Variants in USH2A observed in about 807,000 individuals in gnomAD.
USH2A encodes the protein Usher syndrome 2A (autosomal recessive, mild).
USH2A carries 443 observed loss-of-function variants against 538.9 expected under a neutral mutation model. The ratio of observed to expected loss-of-function variants is 0.82; its 90% CI spans 0.76 to 0.89. USH2A has a LOEUF of 0.89. Among genes scored for constraint, USH2A ranks in the 40% least tolerant of loss-of-function variants. USH2A has a pLI of 0.00. For missense variants in USH2A, 6,633 were observed against 6,324.8 expected, an observed-to-expected ratio of 1.05 and a Z score of -1.65; for synonymous variants, 2,413 against 2,273.5, an observed-to-expected ratio of 1.06 and a Z score of -1.75.
intron 21 of USH2A, among the ~76,000 whole-genome samples, chr1:216,122,571 G>A (rs187928295): frequency 6.6e-6 from 1 of 152,330 alleles, no homozygotes; most frequent in East Asian, 1.9e-4. Context: ...AGAACATAAA[G>A]AGAGTCAATC....
At chr1:216,345,679 T>C (rs1341816534) in intron 4 of USH2A, among the ~76,000 whole-genome samples, 1 of 152,166 alleles carries the variant, frequency 6.6e-6, no homozygotes, top group Admixed American at 6.6e-5. Context: ...TGTCTTCCTG[T>C]ATATTTCTGT....
At chr1:216,115,462 T>C (rs962371294) in intron 21 of USH2A, among the ~76,000 whole-genome samples, 3 of 152,184 alleles carry the variant, frequency 2.0e-5, no homozygotes, top group Non-Finnish European at 2.9e-5. Context: ...ATTTATGCAA[T>C]TGTCAATACA....
chr1:216,242,356 A>T (rs986313901), intron 13 of USH2A, among the ~76,000 whole-genome samples: 2 of 147,712 alleles, frequency 1.4e-5, no homozygotes, highest in Non-Finnish European at 3.0e-5. Context: ...ACTCCATCTC[A>T]AAAGAAAAAA....
chr1:216,358,588 G>T (rs1326906796), intron 4 of USH2A, among the ~76,000 whole-genome samples: 2 of 151,966 alleles, frequency 1.3e-5, no homozygotes, highest in African/African-American at 4.8e-5. Context: ...TGGCTCATTA[G>T]GCAGAAGTAA....
Position 215,782,721 on chromosome 1 carries a change from T to C in USH2A, c.10585+17A>G. On this transcript the variant is annotated intron_variant, in intron 53 of 71. Coordinates refer to ENST00000307340, the MANE Select transcript of USH2A (RefSeq NM_206933.4). ...TTATGGGATTTTGTTATTTGTATTTTAAAGGTATCTCAATACCATTTGATT... is the reference window on the plus strand; with the variant it reads ...TTATGGGATTTTGTTATTTGTATTTCAAAGGTATCTCAATACCATTTGATT... 6.2e-7 allele frequency: 1 copy of C among 1,609,766 alleles called. No individual in the cohort carries two copies. The highest frequency in any genetic ancestry group is 8.5e-7 in the Non-Finnish European group (1 of 1,177,036).
chr1:215,985,407 T>C (rs180712597), intron 35 of USH2A, among the ~76,000 whole-genome samples: 10 of 152,274 alleles, frequency 6.6e-5, no homozygotes, highest in Admixed American at 2.0e-4. Flanking sequence ...GATAATATAG[T>C]GAATAAAACC....
At chr1:216,324,990 T>C (rs1036359138) in intron 6 of USH2A, among the ~76,000 whole-genome samples, 4 of 152,062 alleles carry the variant, frequency 2.6e-5, no homozygotes, top group African/African-American at 9.7e-5. Flanking sequence ...GTGGGCCTTA[T>C]ATAAGAGAAA....
At chr1:216,092,108 G>C (rs868367339) in intron 22 of USH2A, among the ~76,000 whole-genome samples, 9 of 152,164 alleles carry the variant, frequency 5.9e-5, no homozygotes, top group Admixed American at 6.5e-5. Flanking sequence ...TTGTAAGCCA[G>C]AAAAATGGAT....
chr1:215,820,649 A>C (rs1242136776), intron 47 of USH2A, among the ~76,000 whole-genome samples: 1 of 151,678 alleles, frequency 6.6e-6, no homozygotes, highest in Non-Finnish European at 1.5e-5. Context: ...TAAACTATAA[A>C]TCACCTTACT....
intron 6 of USH2A, 133 bp downstream of exon 6, chr1:216,325,172 A>G (rs1269317477): frequency 1.9e-6 from 2 of 1,057,020 alleles, no homozygotes; most frequent in Non-Finnish European, 2.8e-6. Flanking sequence ...AGCCCTGCCA[A>G]CATGTTGATT....
At chr1:215,839,141 T>C (rs1313643731) in intron 46 of USH2A, among the ~76,000 whole-genome samples, 1 of 152,176 alleles carries the variant, frequency 6.6e-6, no homozygotes, top group East Asian at 1.9e-4. Flanking sequence ...GAGGTATTAA[T>C]AGTGGATATT....
At chr1:216,222,046 A>G (rs2035465932) in intron 14 of USH2A, among the ~76,000 whole-genome samples, 3 of 152,198 alleles carry the variant, frequency 2.0e-5, no homozygotes, top group Admixed American at 1.3e-4. Flanking sequence ...GCCATTCACC[A>G]GTTTTTCTGA....
Position 216,308,270 on chromosome 1 carries a change from G to A in USH2A, c.1644+13613C>T, listed in dbSNP as rs572958415. On this transcript the variant is annotated intron_variant, in intron 9 of 71. Coordinates refer to ENST00000307340, the MANE Select transcript of USH2A (RefSeq NM_206933.4). ...TATCCACTACTGTAAAGTGTTCCAC[G>A]TAGACATTTGCAAATTGTTTTCCAT... Among the ~76,000 whole-genome samples the A allele has an allele frequency of 2.2e-4, 34 of 152,278 alleles. No homozygotes were observed. The South Asian group carries it at 6.6e-3, about 30-fold the overall frequency.
intron 60 of USH2A, among the ~76,000 whole-genome samples, chr1:215,729,373 C>T (rs1360312972): frequency 6.6e-6 from 1 of 152,188 alleles, no homozygotes; most frequent in Non-Finnish European, 1.5e-5. Flanking sequence ...ATAATTTAAA[C>T]CATAACCTCT....
At chr1:215,640,820 A>G (rs1255707210) in intron 67 of USH2A, 86 bp from the exon 68 acceptor site, 12 of 1,319,790 alleles carry the variant, frequency 9.1e-6, no homozygotes, top group Admixed American at 1.9e-5. Flanking sequence ...AAATATGAGC[A>G]AAATCAAACC....
At position 216,170,057 on chromosome 1, in the gene USH2A, C is replaced by T. The variant is rs148050669; in HGVS notation, c.4627+5195G>A. Among the ~76,000 whole-genome samples the T allele has an allele frequency of 2.2e-3, 338 of 152,034 alleles. 1 individual carries two copies. Among genetic ancestry groups the T allele is most frequent in the African/African-American group, 7.7e-3 (321 of 41,494 alleles). ...GAAGGTCAGAATTAATATGCTTTTA[C>T]TAATTAGTCTATCTGAAGAAGTTTG... On this transcript the variant is annotated intron_variant, in intron 21 of 71. Coordinates refer to ENST00000307340, the MANE Select transcript of USH2A (RefSeq NM_206933.4).
intron 21 of USH2A, among the ~76,000 whole-genome samples, chr1:216,141,771 T>C (rs766032142): frequency 6.6e-6 from 1 of 152,138 alleles, no homozygotes; most frequent in Admixed American, 6.5e-5. Flanking sequence ...AAGATGATTA[T>C]ATATGGCATT....
At chr1:215,939,611 AT>A (rs750805175) in intron 37 of USH2A, among the ~76,000 whole-genome samples, 2 of 152,058 alleles carry the variant, frequency 1.3e-5, no homozygotes, top group African/African-American at 2.4e-5. Flanking sequence ...ATAAATGGAT[AT>A]TTTCACATGT....
At chr1:215,880,541 G>A (rs1461070121) in intron 41 of USH2A, among the ~76,000 whole-genome samples, 2 of 152,150 alleles carry the variant, frequency 1.3e-5, no homozygotes, top group Non-Finnish European at 2.9e-5. Context: ...GCCTGGATGT[G>A]GGGAATATTT....
Sources: allele counts gnomAD v4.1 joint callset (sites outside exome capture counted in the v4.1 genomes callset), GRCh38; gene constraint gnomAD v4.1.1; transcripts MANE v1.5; gene names NCBI Gene and HGNC (gene_info 2026-07-23, HGNC 2026-07-21).